The following SCAMP4 variants were observed in gnomAD, a reference collection of about 807,000 sequenced individuals.
The protein encoded by SCAMP4 is secretory carrier-associated membrane protein 4.
In SCAMP4, 19 loss-of-function variants were observed where a neutral mutation model predicts 32.1. The ratio of observed to expected loss-of-function variants is 0.59; its 90% CI spans 0.41 to 0.87. SCAMP4 has a LOEUF of 0.87. Among genes scored for constraint, SCAMP4 ranks in the 40% least tolerant of loss-of-function variants. The pLI is 0.00. For missense variants in SCAMP4, 302 were observed against 309.0 expected (o/e 0.98, Z 0.17); for synonymous variants, 152 against 132.7 (o/e 1.15, Z -1.00).
rs928132452 is a variant in SCAMP4, at chr19:1,913,317, C to T, written c.-41-1662C>T. ...CTGCCTTCCGTGCGGATCGAGCTTT[C>T]CTGGACTCGGTCATTGGGGCCACCC... On this transcript the variant is annotated intron_variant, in intron 1 of 6. Transcript: ENST00000316097. The T allele has an allele frequency of 3.7e-5, 41 of 1,101,430 alleles. No homozygotes were observed. In the East Asian group the frequency reaches 8.5e-4, roughly 23 times the overall value. The allele number at this position is 1,101,430 out of a possible 1,614,324, so 68.2% of individuals were successfully genotyped here.
chr19:1,914,690 A>T, intron 1 of SCAMP4: 1 of 465,046 alleles, frequency 2.2e-6, no homozygotes, highest in Non-Finnish European at 3.9e-6. Flanking sequence ...TGGGGGACGC[A>T]GGGGCCTAGG....
chr19:1,913,228 C>A lies in SCAMP4; in HGVS notation c.-41-1751C>A, dbSNP rs1193809434. On this transcript the variant is annotated intron_variant, in intron 1 of 6. Transcript: ENST00000316097. ...CTCCTGGACTTCCGGGCCTCGATTT[C>A]TTCCGCACAAGCCTGACCGTGGATT... The A allele has an allele frequency of 9.6e-6, 14 of 1,453,548 alleles. No homozygotes were observed. The South Asian group carries it at 1.6e-4, about 17-fold the overall frequency. The allele number at this position is 1,453,548 out of a possible 1,614,324, so 90.0% of individuals were successfully genotyped here.
At chr19:1,910,211 G>T (rs1003172253) in intron 1 of SCAMP4, among the ~76,000 whole-genome samples, 5 of 152,230 alleles carry the variant, frequency 3.3e-5, no homozygotes, top group African/African-American at 1.2e-4. Context: ...AGCCAGGGCT[G>T]TGTTGTCATC....
chr19:1,922,300 C>G (rs972443810), intron 5 of SCAMP4: 1 of 976,438 alleles, frequency 1.0e-6, no homozygotes. Context: ...TGCTCTGTCC[C>G]CCAGGCTGGA....
Position 1,925,119 on chromosome 19 carries a change from CA to C in SCAMP4, c.*837del, listed in dbSNP as rs11347146. 142,178 of 152,242 alleles carry C rather than the reference CA, an allele frequency of 0.93. 66,481 individuals are homozygous for C. Among genetic ancestry groups the C allele is most frequent in the African/African-American group, 0.96 (39,809 of 41,486 alleles). 9.4% of individuals were successfully genotyped at this position (152,242 alleles called of 1,614,324 possible). ...TTGTTTTGTTTTTTCTCTTTTGAGA[CA>C]AGAGTTTCACTCTGTCGCCCAGGCT... On this transcript the variant is annotated 3_prime_UTR_variant, in exon 7 of 7. Transcript: ENST00000316097.
At chr19:1,917,074 C>T (rs986592085) in intron 2 of SCAMP4, among the ~76,000 whole-genome samples, 3 of 152,100 alleles carry the variant, frequency 2.0e-5, no homozygotes, top group Admixed American at 6.5e-5. Context: ...CAGAGGTGGG[C>T]GGATTATTTG....
intron 5 of SCAMP4, chr19:1,919,341 A>G (rs1225217052): frequency 3.5e-6 from 4 of 1,157,164 alleles, no homozygotes; most frequent in Non-Finnish European, 2.1e-6. Flanking sequence ...ATGTTTCTGC[A>G]CGGATCGCTG....
At chr19:1,906,881 T>TGC (rs2013151571) in intron 1 of SCAMP4, 1 of 138,054 alleles carries the variant, frequency 7.2e-6, no homozygotes, top group Non-Finnish European at 1.5e-5. Flanking sequence ...TGTGTGTGTG[T>TGC]GTGTGTGTAA....
intron 5 of SCAMP4, chr19:1,921,969 T>C: frequency 1.0e-6 from 1 of 985,508 alleles, no homozygotes; most frequent in African/African-American, 1.7e-5. Context: ...CGTGCATGTG[T>C]GTGCATAAGC....
intron 1 of SCAMP4, among the ~76,000 whole-genome samples, chr19:1,911,297 G>C (rs146194023): frequency 1.3e-5 from 2 of 151,778 alleles, no homozygotes; most frequent in African/African-American, 4.8e-5. Context: ...TCAGCTTCTC[G>C]AGTAGCTGAA....
At chr19:1,910,424 G>T (rs2013380699) in intron 1 of SCAMP4, among the ~76,000 whole-genome samples, 1 of 152,180 alleles carries the variant, frequency 6.6e-6, no homozygotes, top group Non-Finnish European at 1.5e-5. Context: ...TGGTTGCCTG[G>T]GTTGCTGTGT....
chr19:1,918,169 C>A lies in SCAMP4; in HGVS notation c.179C>A (p.Ala60Asp). Residue 60 changes from alanine to aspartate, a missense_variant, in exon 4 of 7, where the codon GCC becomes GAC. Coordinates refer to ENST00000316097, the MANE Select transcript of SCAMP4 (RefSeq NM_079834.4). Reference sequence around the variant, plus strand: ...GGCGTCAACCTCATTGCCTGCCTGGCCTGGTGGATCGGCGGAGGCTCGGGG... The same window carrying A: ...GGCGTCAACCTCATTGCCTGCCTGGACTGGTGGATCGGCGGAGGCTCGGGG... ...TLGVNLIACL[A>D]WWIGGGSGTN... is the part of the protein sequence containing the mutation. 6.2e-7 allele frequency: 1 copy of A among 1,613,002 alleles called. No homozygotes were observed. Among genetic ancestry groups the A allele is most frequent in the East Asian group, 2.2e-5 (1 of 44,880 alleles).
rs754349839 is a variant in SCAMP4, at chr19:1,924,132, G to A, written c.538G>A (p.Gly180Ser). ...GGTGCACAGGATCTACCGAGGGGCT[G>A]GCGGAAGCTTCCAGAAGGCACAGAC... The part of the protein sequence containing the change: ...MKVHRIYRGA[G>S]GSFQKAQTEW... The change falls in exon 7 of 7, where the codon GGC becomes AGC. Residue 180 changes from glycine to serine, a missense_variant. Coordinates refer to ENST00000316097, the MANE Select transcript of SCAMP4 (RefSeq NM_079834.4). 18 of 1,610,806 alleles carry A rather than the reference G, an allele frequency of 1.1e-5. No homozygotes were observed. Among genetic ancestry groups the A allele is most frequent in the African/African-American group, 4.0e-5 (3 of 74,348 alleles).
Position 1,918,868 on chromosome 19 carries a change from G to A in SCAMP4, c.294-21G>A, listed in dbSNP as rs776148869. 11 of 1,587,762 alleles carry A rather than the reference G, an allele frequency of 6.9e-6. No homozygotes were observed. In the East Asian group the frequency reaches 1.1e-4, roughly 16 times the overall value. On this transcript the variant is annotated intron_variant, in intron 4 of 6. Transcript: ENST00000316097. ...AGAAGCCAGGGCTGTGGTAACCGTCGTGTTTTCTGTCCCTCCCCAGAGCCG... is the reference window on the plus strand; with the variant it reads ...AGAAGCCAGGGCTGTGGTAACCGTCATGTTTTCTGTCCCTCCCCAGAGCCG...
In SCAMP4 at chr19:1,917,835, G is replaced by T; in HGVS notation, c.136+13G>T. 2 of 1,613,354 alleles carry T rather than the reference G, an allele frequency of 1.2e-6. No homozygotes were observed. Among genetic ancestry groups the T allele is most frequent in the Non-Finnish European group, 1.7e-6 (2 of 1,179,630 alleles). On this transcript the variant is annotated intron_variant, in intron 3 of 6. Coordinates refer to ENST00000316097, the MANE Select transcript of SCAMP4 (RefSeq NM_079834.4). ...CGGCTGTGGATGTGTGAGTGCGCCT[G>T]GGGGCAGGAGGCGGGAAGCGGGAGG...
intron 1 of SCAMP4, chr19:1,912,958 G>A (rs537924928): frequency 6.8e-6 from 11 of 1,610,168 alleles, no homozygotes; most frequent in Middle Eastern, 1.7e-4. Context: ...TACGTGACCC[G>A]CGAGCCCTGC....
intron 5 of SCAMP4, 39 bp from the exon 6 acceptor site, chr19:1,923,031 A>T: frequency 6.7e-7 from 1 of 1,497,696 alleles, no homozygotes; most frequent in Non-Finnish European, 9.0e-7. Flanking sequence ...CTCATCCAGC[A>T]GGTGTGCAGG....
intron 2 of SCAMP4, 86 bp from the exon 3 acceptor site, chr19:1,917,608 A>C: frequency 2.0e-6 from 3 of 1,514,086 alleles, no homozygotes; most frequent in Non-Finnish European, 2.7e-6. Context: ...CATGAGAGGC[A>C]ACCCAGCCTT....
At chr19:1,905,477 TCA>T (rs971891573) in intron 1 of SCAMP4, 38 bp downstream of exon 1, 1 of 447,414 alleles carries the variant, frequency 2.2e-6, no homozygotes, top group African/African-American at 2.1e-5. Context: ...TTCTCCAGGC[TCA>T]GACTTCCCCA....
Sources: allele counts gnomAD v4.1 joint callset (sites outside exome capture counted in the v4.1 genomes callset), GRCh38; gene constraint gnomAD v4.1.1; transcripts MANE v1.5; gene names NCBI Gene and HGNC (gene_info 2026-07-23, HGNC 2026-07-21).